PTPRQ: variants seen among roughly 807,000 people sequenced by gnomAD.
PTPRQ encodes phosphatidylinositol phosphatase PTPRQ.
A neutral mutation model predicts 246.0 loss-of-function variants in PTPRQ; 199 were observed. The ratio of observed to expected loss-of-function variants is 0.81; its 90% CI spans 0.72 to 0.91. The LOEUF (loss-of-function observed/expected upper bound fraction) is 0.91, where lower values mean the gene tolerates loss of function less well. PTPRQ is among the 40% of genes least tolerant of loss of function. The probability of loss-of-function intolerance (pLI) is 0.00; values close to 1 mark genes in which losing one functional copy is unlikely to be tolerated. For missense variants in PTPRQ, 2,624 were observed against 2,528.4 expected (o/e 1.04, Z -0.81); for synonymous variants, 869 against 853.2 (o/e 1.02, Z -0.32).
chr12:80,562,876 A>T (rs995997407), intron 25 of PTPRQ, among the ~76,000 whole-genome samples: 4 of 152,054 alleles, frequency 2.6e-5, no homozygotes, highest in Non-Finnish European at 5.9e-5. Context: ...AATCTCTAGC[A>T]AGCCTGACAA....
At chr12:80,507,703 C>G (rs1330538861) in intron 16 of PTPRQ, among the ~76,000 whole-genome samples, 1 of 151,890 alleles carries the variant, frequency 6.6e-6, no homozygotes, top group Non-Finnish European at 1.5e-5. Context: ...TCAGTTTTCC[C>G]TAATCATTGC....
intron 25 of PTPRQ, among the ~76,000 whole-genome samples, chr12:80,568,692 G>A (rs936079410): frequency 2.0e-5 from 3 of 152,142 alleles, no homozygotes; most frequent in Non-Finnish European, 4.4e-5. Flanking sequence ...TAGCCAATAT[G>A]TGTCACACGA....
intron 39 of PTPRQ, among the ~76,000 whole-genome samples, chr12:80,662,409 A>G (rs970057059): frequency 6.6e-6 from 1 of 151,992 alleles, no homozygotes; most frequent in Non-Finnish European, 1.5e-5. Flanking sequence ...AAGGAGGATT[A>G]TATTTAGATG....
chr12:80,522,373 G>A (rs1446042752), intron 17 of PTPRQ, among the ~76,000 whole-genome samples: 2 of 151,910 alleles, frequency 1.3e-5, no homozygotes, highest in Non-Finnish European at 2.9e-5. Context: ...CTGCCTAATC[G>A]ACCTGGCCAG....
rs186901310 is a variant in PTPRQ at position 80,650,549 on chromosome 12, G to A, written c.6024+880G>A. Among the ~76,000 whole-genome samples the A allele has an allele frequency of 1.2e-3, 185 of 151,774 alleles. 1 individual carries two copies. The highest frequency in any genetic ancestry group is 2.1e-3 in the Non-Finnish European group (144 of 67,830). ...TCCTGAAACAAAGAATAAAACAATT[G>A]GGTTAAATAATTCAGAATTATAATA... On this transcript the variant is annotated intron_variant, in intron 37 of 44. Transcript: ENST00000644991.
Position 80,514,402 on chromosome 12 carries a change from A to ACACACACTCT in PTPRQ, c.2678+3960_2678+3961insACACACTCTC, listed in dbSNP as rs552667526. Among the ~76,000 whole-genome samples, 259 of 113,012 alleles carry ACACACACTCT rather than the reference A, an allele frequency of 2.3e-3. 1 individual carries two copies. The highest frequency in any genetic ancestry group is 8.0e-3 in the African/African-American group (249 of 30,970). 74.1% of individuals were successfully genotyped at this position (113,012 alleles called of 152,430 possible). ...CACACACACACACACACACACACAC[A>ACACACACTCT]CTCTCTCTCTCTCTCTCTGCTTTAA... On this transcript the variant is annotated intron_variant, in intron 17 of 44. Coordinates refer to ENST00000644991, the MANE Select transcript of PTPRQ (RefSeq NM_001145026.2).
intron 43 of PTPRQ, among the ~76,000 whole-genome samples, chr12:80,674,242 A>C (rs2121294079): frequency 6.6e-6 from 1 of 152,252 alleles, no homozygotes; most frequent in African/African-American, 2.4e-5. Context: ...TGTATTTTCC[A>C]GGTTACATTC....
chr12:80,510,873 T>C (rs1895106201), intron 17 of PTPRQ, among the ~76,000 whole-genome samples: 1 of 152,196 alleles, frequency 6.6e-6, no homozygotes, highest in African/African-American at 2.4e-5. Flanking sequence ...AATTTTTAAT[T>C]TGAAATGTAA....
chr12:80,557,975 C>G (rs1009200273), intron 25 of PTPRQ, among the ~76,000 whole-genome samples: 1 of 151,904 alleles, frequency 6.6e-6, no homozygotes, highest in Admixed American at 6.6e-5. Context: ...AAGTATGTAA[C>G]CTTTTTTACC....
In PTPRQ at chr12:80,569,545, T is replaced by C. The variant is rs976329389; in HGVS notation, c.4286-18584T>C. 3.3e-5 allele frequency among the ~76,000 whole-genome samples: 5 copies of C among 151,056 alleles called. No individual in the cohort carries two copies. In the Admixed American group the frequency reaches 3.3e-4, roughly 10 times the overall value. ...CCTAAAACTTACAGTATAATAATAATAAATTAAAAACAAAACAAAACAAAA... is the reference window on the plus strand; with the variant it reads ...CCTAAAACTTACAGTATAATAATAACAAATTAAAAACAAAACAAAACAAAA... On this transcript the variant is annotated intron_variant, in intron 25 of 44. Transcript: ENST00000644991.
At chr12:80,461,869 A>T (rs573851738) in intron 6 of PTPRQ, 2 of 149,810 alleles carry the variant, frequency 1.3e-5, no homozygotes, top group East Asian at 3.9e-4. Flanking sequence ...CAATAAAAAA[A>T]TGATTTCGGG....
In PTPRQ at chr12:80,650,442, A is replaced by T. The variant is rs181670516; in HGVS notation, c.6024+773A>T. Among the ~76,000 whole-genome samples the T allele has an allele frequency of 7.6e-4, 115 of 152,174 alleles. 1 individual carries two copies. Among genetic ancestry groups the T allele is most frequent in the Non-Finnish European group, 1.5e-3 (101 of 67,926 alleles). ...TTCTAACTTAGATGATTATTTTGTT[A>T]TTAAGAAAGACAGATTTCTACATGT... On this transcript the variant is annotated intron_variant, in intron 37 of 44. Coordinates refer to ENST00000644991, the MANE Select transcript of PTPRQ (RefSeq NM_001145026.2).
rs58537253 is a variant in PTPRQ at position 80,495,386 on chromosome 12, TTTGTTG to T, written c.1882+30_1882+35del. 3.6e-6 allele frequency: 5 copies of T among 1,392,020 alleles called. No homozygotes were observed. The highest frequency in any genetic ancestry group is 2.5e-5 in the East Asian group (1 of 39,266). The allele number at this position is 1,392,020 out of a possible 1,614,324, so 86.2% of individuals were successfully genotyped here. A position where few individuals can be genotyped will look rare whatever the true frequency, so the allele number is the denominator to read the frequency against. ...TCTCATAACAGGTAGAAAACAATGT[TTTGTTG>T]TTGTTGTTGTTGTTCATTTTACATT... On this transcript the variant is annotated intron_variant, in intron 12 of 44. Coordinates refer to ENST00000644991, the MANE Select transcript of PTPRQ (RefSeq NM_001145026.2).
At chr12:80,451,149 T>C (rs1002934402) in intron 3 of PTPRQ, among the ~76,000 whole-genome samples, 26 of 152,302 alleles carry the variant, frequency 1.7e-4, no homozygotes, top group Admixed American at 1.4e-3. Flanking sequence ...CTTCTAGATT[T>C]TCTAGTTTAT....
At chr12:80,607,982 T>C (rs370445791) in intron 27 of PTPRQ, among the ~76,000 whole-genome samples, 10 of 150,712 alleles carry the variant, frequency 6.6e-5, no homozygotes, top group East Asian at 5.8e-4. Context: ...GAGTTTGAGG[T>C]ATGAAGTTTT....
intron 25 of PTPRQ, among the ~76,000 whole-genome samples, chr12:80,583,472 T>A (rs1406607118): frequency 6.6e-6 from 1 of 152,116 alleles, no homozygotes; most frequent in Admixed American, 6.5e-5. Context: ...GAGCTGAGAT[T>A]TATAGGAAAG....
intron 17 of PTPRQ, among the ~76,000 whole-genome samples, chr12:80,514,679 AT>A (rs1260512925): frequency 1.1e-3 from 158 of 143,706 alleles, no homozygotes; most frequent in Non-Finnish European, 1.9e-3. Context: ...TATAATATAT[AT>A]TTTTATATAT....
intron 34 of PTPRQ, among the ~76,000 whole-genome samples, chr12:80,632,797 C>A (rs1899489514): frequency 6.6e-6 from 1 of 152,066 alleles, no homozygotes; most frequent in African/African-American, 2.4e-5. Context: ...AGAAGCTACC[C>A]GTCATTATTA....
At position 80,484,583 on chromosome 12, in the gene PTPRQ, C is replaced by T. The variant is rs1894211036; in HGVS notation, c.1337C>T (p.Thr446Ile). The change falls in exon 9 of 45, where the codon ACT becomes ATT. Residue 446 changes from threonine to isoleucine, a missense_variant. Transcript: ENST00000644991. ...VPETGIILEN[T>I]LLTGNNEYIN... ...GAGACAGGAATAATTTTGGAAAATA[C>T]TTTGCTCACTGGAAATAATGAGGTA... The T allele has an allele frequency of 6.5e-7, 1 of 1,550,188 alleles. No individual in the cohort carries two copies. Among genetic ancestry groups the T allele is most frequent in the Non-Finnish European group, 8.7e-7 (1 of 1,146,564 alleles).
Sources: gnomAD v4.1 joint callset for allele counts (sites outside exome capture counted in the v4.1 genomes callset) on GRCh38, gnomAD v4.1.1 for gene constraint, MANE v1.5 for transcripts, NCBI Gene and HGNC (gene_info 2026-07-23, HGNC 2026-07-21) for gene names.